PPIC: variants seen among roughly 807,000 people sequenced by gnomAD.
PPIC encodes the protein peptidyl-prolyl cis-trans isomerase C.
PPIC carries 19 observed loss-of-function variants against 19.5 expected under a neutral mutation model. That is an observed-to-expected ratio of 0.98 (90% CI 0.68 to 1.43). The LOEUF (loss-of-function observed/expected upper bound fraction) is 1.43, where lower values mean the gene tolerates loss of function less well. Among genes scored for constraint, PPIC ranks in the 40% most tolerant of loss-of-function variants. The pLI is 0.00. For missense variants in PPIC, 268 were observed against 268.6 expected (o/e 1.00, Z 0.02); for synonymous variants, 107 against 101.2 (o/e 1.06, Z -0.34).
chr5:123,028,675 G>T, intron 3 of PPIC, 100 bp downstream of exon 3: 1 of 930,512 alleles, frequency 1.1e-6, no homozygotes, highest in Non-Finnish European at 1.6e-6. Flanking sequence ...CTTTACAACT[G>T]TGTTCCTTAG....
At chr5:123,033,679 A>G (rs1326880052) in intron 1 of PPIC, among the ~76,000 whole-genome samples, 1 of 152,234 alleles carries the variant, frequency 6.6e-6, no homozygotes, top group Non-Finnish European at 1.5e-5. Context: ...CTAATGTGCA[A>G]AGCCCTCCCA....
intron 4 of PPIC, among the ~76,000 whole-genome samples, chr5:123,024,915 C>T (rs1762829501): frequency 2.0e-5 from 3 of 152,254 alleles, no homozygotes; most frequent in Middle Eastern, 3.4e-3. Context: ...CTTCAGGCAC[C>T]TGTAAGGCAG....
intron 1 of PPIC, among the ~76,000 whole-genome samples, chr5:123,032,319 C>T (rs1762954427): frequency 6.6e-6 from 1 of 152,158 alleles, no homozygotes; most frequent in Non-Finnish European, 1.5e-5. Context: ...CAAGGTTTCC[C>T]TACTATGAGT....
chr5:123,023,911 C>A lies in PPIC; in HGVS notation c.603G>T (p.Val201=). Residue 201 remains valine, a synonymous_variant, in exon 5 of 5, where the codon GTG becomes GTT. Coordinates refer to ENST00000306442, the MANE Select transcript of PPIC (RefSeq NM_000943.5). Reference sequence around the variant, plus strand: ...CGATCTCAACCACAAAAGGCGTTTTCACGTCTATCTTGCCACTGTTGATGA... The same window carrying A: ...CGATCTCAACCACAAAAGGCGTTTTAACGTCTATCTTGCCACTGTTGATGA... ...CSIINSGKID[V]KTPFVVEIAD... 6.2e-7 allele frequency: 1 copy of A among 1,613,826 alleles called. No homozygotes were observed. The highest frequency in any genetic ancestry group is 1.1e-5 in the South Asian group (1 of 91,056).
intron 1 of PPIC, among the ~76,000 whole-genome samples, chr5:123,035,511 C>G (rs1384051719): frequency 6.6e-6 from 1 of 152,172 alleles, no homozygotes; most frequent in African/African-American, 2.4e-5. Context: ...TCCTCCCCAC[C>G]CCCTAGTCCT....
chr5:123,036,621 C>A lies in PPIC; in HGVS notation c.5G>T (p.Gly2Val), dbSNP rs1309198048. 6.3e-7 allele frequency: 1 copy of A among 1,584,646 alleles called. No individual in the cohort carries two copies. The highest frequency in any genetic ancestry group is 1.3e-5 in the African/African-American group (1 of 74,542). The change falls in exon 1 of 5, where the codon GGC becomes GTC. Residue 2 changes from glycine (G) to valine (V), a missense_variant. Coordinates refer to ENST00000306442, the MANE Select transcript of PPIC (RefSeq NM_000943.5). This position sits in a 1 kb window ranked among gnomAD's most constrained non-coding sequence, Gnocchi z 4.5. M[G>V]PGPRLLLPLV... ...AGGTAGCAGCAGCCGAGGACCCGGG[C>A]CCATGGTGAGCGGTGGCAGCGGCGC...
intron 1 of PPIC, among the ~76,000 whole-genome samples, chr5:123,033,960 C>T (rs758799966): frequency 2.0e-5 from 3 of 152,234 alleles, no homozygotes; most frequent in Non-Finnish European, 2.9e-5. Context: ...AGAGCCCCCA[C>T]CTGAGCCTCT....
intron 1 of PPIC, among the ~76,000 whole-genome samples, chr5:123,033,949 C>T (rs1653484969): frequency 2.0e-5 from 3 of 152,214 alleles, no homozygotes; most frequent in Admixed American, 2.0e-4. Context: ...CCCAATGAGC[C>T]AGAGCCCCCA....
chr5:123,033,088 C>G (rs1250964430), intron 1 of PPIC, among the ~76,000 whole-genome samples: 3 of 152,180 alleles, frequency 2.0e-5, no homozygotes, highest in Non-Finnish European at 4.4e-5. Context: ...TGCAGCTCCA[C>G]CACTCAATGG....
rs762679170 is a variant in PPIC at position 123,029,200 on chromosome 5, G to T, written c.231+105C>A. 6 of 1,582,752 alleles carry T rather than the reference G, an allele frequency of 3.8e-6. No homozygotes were observed. The Admixed American group carries it at 5.3e-5, about 14-fold the overall frequency. On this transcript the variant is annotated intron_variant, in intron 2 of 4. Coordinates refer to ENST00000306442, the MANE Select transcript of PPIC (RefSeq NM_000943.5). Reference sequence around the variant, plus strand: ...GGAAAATAAAGTCAAATGTGGTAAGGTTCATCTGACATACTAATTTAATAC... The same window carrying T: ...GGAAAATAAAGTCAAATGTGGTAAGTTTCATCTGACATACTAATTTAATAC...
chr5:123,026,955 G>A (rs574145729), intron 3 of PPIC, among the ~76,000 whole-genome samples: 1 of 152,292 alleles, frequency 6.6e-6, no homozygotes, highest in African/African-American at 2.4e-5. Flanking sequence ...AGCACTTTGG[G>A]AGGCTGAGGC....
intron 4 of PPIC, 77 bp from the exon 5 acceptor site, chr5:123,024,080 C>G: frequency 6.6e-7 from 1 of 1,505,980 alleles, no homozygotes. Flanking sequence ...CCAAAGCCAA[C>G]TCCAAAAGCC....
At chr5:123,032,397 G>A (rs570841108) in intron 1 of PPIC, among the ~76,000 whole-genome samples, 10 of 152,294 alleles carry the variant, frequency 6.6e-5, no homozygotes, top group South Asian at 4.1e-4. Context: ...TCTCCGGGTC[G>A]AGCCAGGGAA....
chr5:123,028,165 C>G (rs925300570), intron 3 of PPIC, among the ~76,000 whole-genome samples: 1 of 152,188 alleles, frequency 6.6e-6, no homozygotes, highest in Non-Finnish European at 1.5e-5. Flanking sequence ...TCCCAAGTTT[C>G]CCAAGTAGAA....
intron 1 of PPIC, among the ~76,000 whole-genome samples, chr5:123,031,497 G>C (rs563498045): frequency 1.6e-4 from 25 of 152,348 alleles, no homozygotes; most frequent in African/African-American, 5.5e-4. Flanking sequence ...AATGTGACCT[G>C]TGTGCAGAGA....
In PPIC at chr5:123,036,428, G is replaced by A. The variant is rs948451164; in HGVS notation, c.117+81C>T. On this transcript the variant is annotated intron_variant, in intron 1 of 4. Coordinates refer to ENST00000306442, the MANE Select transcript of PPIC (RefSeq NM_000943.5). This position sits in a 1 kb window ranked among gnomAD's most constrained non-coding sequence, Gnocchi z 4.5. The stretch of plus-strand genomic sequence containing the variant: ...GGGAAGCCTCCACCTCGCCCGCCCT[G>A]ACACCGAGGTCCCAGTATCCAAAGC... The A allele has an allele frequency of 3.8e-6, 5 of 1,316,196 alleles. No homozygotes were observed. The highest frequency in any genetic ancestry group is 4.8e-5 in the East Asian group (2 of 41,986). 81.5% of individuals were successfully genotyped at this position (1,316,196 alleles called of 1,614,324 possible).
Position 123,023,837 on chromosome 5 carries a change from C to CACACACACACAG in PPIC, c.*37_*38insCTGTGTGTGTGT. ...ACACACACACACACACACACACACACCCCTGCCAAAGCATATCCTTGTTTT... is the reference window on the plus strand; with the variant it reads ...ACACACACACACACACACACACACACACACACACACAGCCCTGCCAAAGCATATCCTTGTTTT... On this transcript the variant is annotated 3_prime_UTR_variant, in exon 5 of 5. Coordinates refer to ENST00000306442, the MANE Select transcript of PPIC (RefSeq NM_000943.5). 1 of 1,592,304 alleles carries CACACACACACAG rather than the reference C, an allele frequency of 6.3e-7. No homozygotes were observed. Among genetic ancestry groups the CACACACACACAG allele is most frequent in the Non-Finnish European group, 8.6e-7 (1 of 1,165,682 alleles).
Position 123,023,907 on chromosome 5 carries a change from T to C in PPIC, c.607A>G (p.Thr203Ala), listed in dbSNP as rs537838921. 9.0e-5 allele frequency: 146 copies of C among 1,613,578 alleles called. 2 individuals carry two copies. The South Asian group carries it at 1.5e-3, about 17-fold the overall frequency. The change falls in exon 5 of 5, where the codon ACG becomes GCG. Residue 203 changes from threonine (T) to alanine (A), a missense_variant. Thr to Ala is a moderately conservative substitution (Grantham distance 58). Coordinates refer to ENST00000306442, the MANE Select transcript of PPIC (RefSeq NM_000943.5). The stretch of plus-strand genomic sequence containing the variant: ...TCAGCGATCTCAACCACAAAAGGCG[T>C]TTTCACGTCTATCTTGCCACTGTTG... Reference protein sequence around the residue: ...IINSGKIDVKTPFVVEIADW With the variant: ...IINSGKIDVKAPFVVEIADW
rs1176161560 is a variant in PPIC at position 123,028,823 on chromosome 5, C to T, written c.277G>A (p.Asp93Asn). 2 of 1,613,782 alleles carry T rather than the reference C, an allele frequency of 1.2e-6. No homozygotes were observed. Among genetic ancestry groups the T allele is most frequent in the Non-Finnish European group, 1.7e-6 (2 of 1,179,652 alleles). Residue 93 changes from aspartate to asparagine, a missense_variant, in exon 3 of 5, where the codon GAT becomes AAT. Coordinates refer to ENST00000306442, the MANE Select transcript of PPIC (RefSeq NM_000943.5). ...ATGTCACCTCCTTGAATCATGAAAT[C>T]CTTGATGACACGATGAAACTTGCTT... ...KGSKFHRVIK[D>N]FMIQGGDITT...
Sources: gnomAD v4.1 joint callset for allele counts (sites outside exome capture counted in the v4.1 genomes callset) on GRCh38, gnomAD v4.1.1 for gene constraint, Gnocchi (gnomAD v3.1) non-coding constraint, MANE v1.5 for transcripts, NCBI Gene and HGNC (gene_info 2026-07-23, HGNC 2026-07-21) for gene names.